Variants in MSRB3 observed in about 807,000 individuals in gnomAD.
The protein encoded by MSRB3 is methionine-R-sulfoxide reductase B3.
A neutral mutation model predicts 21.0 loss-of-function variants in MSRB3; 13 were observed. That is an observed-to-expected ratio of 0.62 (90% CI 0.40 to 0.98). The LOEUF (loss-of-function observed/expected upper bound fraction) is 0.98, where lower values mean the gene tolerates loss of function less well. Among genes scored for constraint, MSRB3 ranks in the 50% least tolerant of loss-of-function variants. The pLI is 0.00. For synonymous variants in MSRB3, 87 were observed against 88.6 expected (o/e 0.98, Z 0.10); for missense variants, 199 against 230.3 (o/e 0.86, Z 0.88).
intron 1 of MSRB3, chr12:65,284,720 G>A (rs1254622043): frequency 6.6e-6 from 1 of 152,190 alleles, no homozygotes; most frequent in African/African-American, 2.4e-5. Flanking sequence ...GCATCATAGA[G>A]AAGAGAGAAT....
chr12:65,302,670 A>G (rs1873406445), intron 1 of MSRB3, among the ~76,000 whole-genome samples: 5 of 152,238 alleles, frequency 3.3e-5, no homozygotes, highest in Admixed American at 3.3e-4. Flanking sequence ...TCTGTTTAAC[A>G]AAAGGAATGC....
chr12:65,424,529 G>T (rs2136650670), intron 5 of MSRB3, among the ~76,000 whole-genome samples: 1 of 152,070 alleles, frequency 6.6e-6, no homozygotes, highest in South Asian at 2.1e-4. Flanking sequence ...TGTATTTCGA[G>T]ATATTTTTAA....
chr12:65,418,821 G>C (rs1028594324), intron 5 of MSRB3: 1 of 910,028 alleles, frequency 1.1e-6, no homozygotes, highest in Non-Finnish European at 1.8e-6. Flanking sequence ...TGGAGTTACT[G>C]CTGTCCAAGG....
chr12:65,448,542 A>G (rs1293682576), intron 5 of MSRB3, among the ~76,000 whole-genome samples: 1 of 152,206 alleles, frequency 6.6e-6, no homozygotes, highest in Non-Finnish European at 1.5e-5. Context: ...AGCACTGTGC[A>G]AGGATGGAAA....
At chr12:65,423,607 G>T (rs1232298838) in intron 5 of MSRB3, among the ~76,000 whole-genome samples, 2 of 152,072 alleles carry the variant, frequency 1.3e-5, no homozygotes, top group Non-Finnish European at 2.9e-5. Context: ...TGATCATATG[G>T]TTCTTGTCCT....
At chr12:65,402,166 A>C (rs1298599936) in intron 5 of MSRB3, among the ~76,000 whole-genome samples, 1 of 152,074 alleles carries the variant, frequency 6.6e-6, no homozygotes, top group East Asian at 1.9e-4. Context: ...CTGGCTTGCT[A>C]GGTTGGGGAA....
At position 65,376,684 on chromosome 12, in the gene MSRB3, G is replaced by C. The variant is rs577475378; in HGVS notation, c.292+7658G>C. On this transcript the variant is annotated intron_variant, in intron 5 of 6. Coordinates refer to ENST00000308259, the MANE Select transcript of MSRB3 (RefSeq NM_001031679.3). ...ATCACACACAGGGGCCCGTCAGGGG[G>C]TGGGGGGATAGGGGAGGGATAGCAT... is the stretch of plus-strand genomic sequence containing the variant. Among the ~76,000 whole-genome samples the C allele has an allele frequency of 3.3e-5, 5 of 152,158 alleles. No homozygotes were observed. The South Asian group carries it at 1.0e-3, about 32-fold the overall frequency.
intron 4 of MSRB3, among the ~76,000 whole-genome samples, chr12:65,353,523 T>C (rs1022882449): frequency 2.6e-5 from 4 of 152,160 alleles, no homozygotes; most frequent in Non-Finnish European, 5.9e-5. Flanking sequence ...TTAAAGTCTG[T>C]TTTATCAGAG....
intron 5 of MSRB3, chr12:65,419,306 C>T (rs1200020287): frequency 4.0e-6 from 3 of 753,212 alleles, no homozygotes; most frequent in Non-Finnish European, 7.3e-6. Context: ...GATTTGGGGG[C>T]ATCTACCTCC....
At chr12:65,288,985 T>G (rs1872539351) in intron 1 of MSRB3, among the ~76,000 whole-genome samples, 1 of 152,132 alleles carries the variant, frequency 6.6e-6, no homozygotes, top group Non-Finnish European at 1.5e-5. Flanking sequence ...AAAGAATATT[T>G]TAAAAAAATC....
At chr12:65,404,686 G>A (rs1167880768) in intron 5 of MSRB3, among the ~76,000 whole-genome samples, 1 of 152,152 alleles carries the variant, frequency 6.6e-6, no homozygotes, top group Admixed American at 6.5e-5. Flanking sequence ...ATAGCATGAT[G>A]TTTTGAAATA....
intron 5 of MSRB3, among the ~76,000 whole-genome samples, chr12:65,402,580 TTTA>T (rs1880190674): frequency 6.6e-6 from 1 of 151,996 alleles, no homozygotes; most frequent in African/African-American, 2.4e-5. Context: ...GCTCGAGGAG[TTTA>T]TTATTACCCA....
intron 4 of MSRB3, among the ~76,000 whole-genome samples, chr12:65,351,220 C>T (rs1876962490): frequency 6.6e-6 from 1 of 151,386 alleles, no homozygotes; most frequent in East Asian, 1.9e-4. Flanking sequence ...CTACTGGATA[C>T]ATAACGAAAT....
At chr12:65,350,563 AC>A (rs1462404072) in intron 4 of MSRB3, among the ~76,000 whole-genome samples, 1 of 151,008 alleles carries the variant, frequency 6.6e-6, no homozygotes. Context: ...TATTCAGGAA[AC>A]CCATCTCACG....
chr12:65,392,315 A>C (rs1039247049), intron 5 of MSRB3, among the ~76,000 whole-genome samples: 4 of 152,160 alleles, frequency 2.6e-5, no homozygotes, highest in Non-Finnish European at 5.9e-5. Context: ...GAAATAGTGG[A>C]TGTCTATTTT....
intron 1 of MSRB3, among the ~76,000 whole-genome samples, chr12:65,279,925 T>C (rs1871912023): frequency 6.6e-6 from 1 of 152,136 alleles, no homozygotes; most frequent in African/African-American, 2.4e-5. Context: ...TCTTAGGAGA[T>C]TTTAGTTTGC....
chr12:65,307,170 C>T (rs1873703021), intron 1 of MSRB3: 1 of 373,102 alleles, frequency 2.7e-6, no homozygotes, highest in Non-Finnish European at 3.7e-6. Context: ...CTCTCTTTTC[C>T]CTGCTCTGCA....
At chr12:65,393,800 G>A (rs181782981) in intron 5 of MSRB3, among the ~76,000 whole-genome samples, 85 of 152,024 alleles carry the variant, frequency 5.6e-4, no homozygotes, top group Non-Finnish European at 8.8e-4. Flanking sequence ...AAAATCTCCC[G>A]TAATCCTATG....
At chr12:65,408,452 T>C (rs1448813591) in intron 5 of MSRB3, among the ~76,000 whole-genome samples, 1 of 152,158 alleles carries the variant, frequency 6.6e-6, no homozygotes, top group Non-Finnish European at 1.5e-5. Context: ...GTAGTAGGCC[T>C]TTAGTGTGAA....
Sources: allele counts gnomAD v4.1 joint callset (sites outside exome capture counted in the v4.1 genomes callset), GRCh38; gene constraint gnomAD v4.1.1; transcripts MANE v1.5; gene names NCBI Gene and HGNC (gene_info 2026-07-23, HGNC 2026-07-21).